The following CCDC7 variants were observed in gnomAD, a reference collection of about 807,000 sequenced individuals.
CCDC7 encodes the protein coiled-coil domain-containing protein 7.
Under a neutral mutation model 196.9 loss-of-function variants are expected in CCDC7, and 183 were observed. The observed-to-expected ratio is 0.93, with a 90% CI of 0.82 to 1.05. The LOEUF (loss-of-function observed/expected upper bound fraction) is 1.05. Among genes scored for constraint, CCDC7 ranks in the 50% least tolerant of loss-of-function variants. CCDC7 has a pLI of 0.00. For missense variants in CCDC7, 1,540 were observed against 1,482.2 expected, an observed-to-expected ratio of 1.04 and a Z score of -0.64; for synonymous variants, 525 against 484.6, an observed-to-expected ratio of 1.08 and a Z score of -1.10.
intron 13 of CCDC7, among the ~76,000 whole-genome samples, chr10:32,559,490 A>T (rs1042819631): frequency 3.9e-5 from 6 of 152,216 alleles, no homozygotes; most frequent in African/African-American, 1.4e-4. Flanking sequence ...CAGAGGAACG[A>T]TCAGACAGCA....
At chr10:32,665,662 CTTTG>C (rs1236702775) in intron 21 of CCDC7, among the ~76,000 whole-genome samples, 1 of 151,950 alleles carries the variant, frequency 6.6e-6, no homozygotes, top group Non-Finnish European at 1.5e-5. Context: ...GTGCCTCCAG[CTTTG>C]TTTTTCTTGC....
chr10:32,753,238 G>A lies in CCDC7; in HGVS notation c.2905+23781G>A, dbSNP rs543971732. Among the ~76,000 whole-genome samples the A allele has an allele frequency of 1.5e-3, 227 of 152,194 alleles. 2 individuals carry two copies. Among genetic ancestry groups the A allele is most frequent in the African/African-American group, 5.2e-3 (216 of 41,538 alleles). ...AATTGCCCAAGTGGAAACACATAGT[G>A]TGTAAAATATTAGCAAATAACCTTA... On this transcript the variant is annotated intron_variant, in intron 28 of 41. Transcript: ENST00000639629.
chr10:32,824,460 C>T (rs1414798398), intron 31 of CCDC7, 58 bp from the exon 33 acceptor site: 28 of 1,098,674 alleles, frequency 2.5e-5, no homozygotes, highest in Non-Finnish European at 3.7e-5. Flanking sequence ...CACATGCACA[C>T]ACACATGTTA....
At chr10:32,532,179 A>G (rs557175223) in intron 11 of CCDC7, among the ~76,000 whole-genome samples, 4 of 152,182 alleles carry the variant, frequency 2.6e-5, no homozygotes, top group South Asian at 4.1e-4. Flanking sequence ...GTTTATTGCT[A>G]TAAATTTTCT....
At chr10:32,619,413 G>C (rs1260320932) in intron 18 of CCDC7, among the ~76,000 whole-genome samples, 2 of 151,940 alleles carry the variant, frequency 1.3e-5, no homozygotes, top group East Asian at 3.9e-4. Context: ...GATGAAAAAG[G>C]AAATAGCATT....
At chr10:32,741,787 G>T (rs2085899294) in intron 28 of CCDC7, among the ~76,000 whole-genome samples, 1 of 152,074 alleles carries the variant, frequency 6.6e-6, no homozygotes, top group African/African-American at 2.4e-5. Context: ...CTCCCATTGT[G>T]AGTGTGAATT....
chr10:32,805,100 T>C lies in CCDC7; in HGVS notation c.3097+2T>C, dbSNP rs570473925. 1 of 1,596,394 alleles carries C rather than the reference T, an allele frequency of 6.3e-7. No individual in the cohort carries two copies. The highest frequency in any genetic ancestry group is 1.7e-5 in the Admixed American group (1 of 59,766). ...AGACACAGTCAAAGAGTTTCCCTGG[T>C]AAGAAAATATTTTTAAGTCTAATAT... On this transcript the variant is annotated splice_donor_variant, in intron 30 of 41. Transcript: ENST00000639629. LOFTEE classifies it high-confidence loss of function.
chr10:32,703,892 T>G (rs1158054344), intron 24 of CCDC7, among the ~76,000 whole-genome samples: 4 of 152,082 alleles, frequency 2.6e-5, no homozygotes, highest in Non-Finnish European at 5.9e-5. Flanking sequence ...CTCTCTGCAT[T>G]GGTTATTCTA....
chr10:32,487,781 C>T lies in CCDC7; in HGVS notation c.797-4141C>T, dbSNP rs528208245. ...ACCCTGTTTGCCTGGGTATCAGCAG[C>T]GGAGGCTGCAGAACAGCAGATATTG... On this transcript the variant is annotated intron_variant, in intron 8 of 41. Transcript: ENST00000639629. 2.3e-4 allele frequency among the ~76,000 whole-genome samples: 35 copies of T among 152,298 alleles called. No individual in the cohort carries two copies. The South Asian group carries it at 4.8e-3, about 21-fold the overall frequency.
Position 32,848,661 on chromosome 10 carries a change from A to ATT in CCDC7, c.3839_3840dup (p.Thr1281LeufsTer10). The ATT allele has an allele frequency of 6.5e-7, 1 of 1,548,464 alleles. No homozygotes were observed. The highest frequency in any genetic ancestry group is 8.9e-7 in the Non-Finnish European group (1 of 1,119,460). ...TCAAGAAGGTATCTTTACTAGGAGC[A>ATT]TTACACCAAGTAAATTCCCAACAAA... On this transcript the variant is annotated frameshift_variant, in exon 39 of 42. Coordinates refer to ENST00000639629, the Ensembl canonical transcript of CCDC7. LOFTEE classifies it high-confidence loss of function.
Position 32,786,640 on chromosome 10 carries a change from A to C in CCDC7, c.3013+7556A>C, listed in dbSNP as rs553633859. 3.9e-5 allele frequency among the ~76,000 whole-genome samples: 6 copies of C among 152,304 alleles called. No individual in the cohort carries two copies. The South Asian group carries it at 6.2e-4, about 16-fold the overall frequency. On this transcript the variant is annotated intron_variant, in intron 29 of 41. Coordinates refer to ENST00000639629, the Ensembl canonical transcript of CCDC7. ...GCCGGGCATGGTAATGCACACCTGTAATCCCAGCTATTAGGGAGGCTGAAG... is the reference window on the plus strand; with the variant it reads ...GCCGGGCATGGTAATGCACACCTGTCATCCCAGCTATTAGGGAGGCTGAAG...
chr10:32,697,518 T>G (rs904861035), intron 24 of CCDC7, among the ~76,000 whole-genome samples: 1 of 152,142 alleles, frequency 6.6e-6, no homozygotes, highest in Non-Finnish European at 1.5e-5. Flanking sequence ...CACCAGGAGA[T>G]TATATCCTGC....
intron 20 of CCDC7, among the ~76,000 whole-genome samples, chr10:32,647,882 T>G (rs1366457836): frequency 6.6e-6 from 1 of 152,266 alleles, no homozygotes; most frequent in Non-Finnish European, 1.5e-5. Flanking sequence ...TTTTGGGGAC[T>G]TAGCCAAAAA....
At chr10:32,644,021 CTCTT>C (rs72554565) in intron 20 of CCDC7, among the ~76,000 whole-genome samples, 51,980 of 151,476 alleles carry the variant, frequency 0.34, 11,259 homozygotes, top group Non-Finnish European at 0.49. Context: ...AATGGTGTCA[CTCTT>C]TATTGTAGTC....
intron 13 of CCDC7, among the ~76,000 whole-genome samples, chr10:32,556,288 A>G (rs543456960): frequency 2.0e-5 from 3 of 152,280 alleles, no homozygotes; most frequent in Non-Finnish European, 4.4e-5. Flanking sequence ...ATAAAAAGAG[A>G]CGCCATATAA....
intron 28 of CCDC7, among the ~76,000 whole-genome samples, chr10:32,752,525 A>C (rs1005806044): frequency 2.6e-5 from 4 of 152,162 alleles, no homozygotes; most frequent in African/African-American, 4.8e-5. Flanking sequence ...GTTCACAAGA[A>C]GGATTTCTTC....
intron 21 of CCDC7, among the ~76,000 whole-genome samples, chr10:32,668,175 G>C (rs559673031): frequency 4.6e-5 from 7 of 152,082 alleles, no homozygotes; most frequent in Admixed American, 1.3e-4. Flanking sequence ...CTGTTTGTCT[G>C]TTATTGGTGT....
intron 18 of CCDC7, among the ~76,000 whole-genome samples, chr10:32,589,793 AT>A (rs1363704304): frequency 2.0e-5 from 3 of 152,074 alleles, no homozygotes; most frequent in South Asian, 2.1e-4. Context: ...CCCCTTTATC[AT>A]TACATAATGC....
chr10:32,747,103 A>G (rs1194611792), intron 28 of CCDC7, among the ~76,000 whole-genome samples: 2 of 152,240 alleles, frequency 1.3e-5, no homozygotes, highest in African/African-American at 2.4e-5. Context: ...GGCCCCTGCA[A>G]GCATAGCAGG....
Sources: allele counts gnomAD v4.1 joint callset (sites outside exome capture counted in the v4.1 genomes callset), GRCh38; gene constraint gnomAD v4.1.1; transcripts MANE v1.5; gene names NCBI Gene and HGNC (gene_info 2026-07-23, HGNC 2026-07-21).